Variants in JAKMIP1 observed in about 807,000 individuals in gnomAD.
JAKMIP1 encodes janus kinase and microtubule interacting protein 1.
JAKMIP1 carries 33 observed loss-of-function variants against 113.0 expected under a neutral mutation model. That is an observed-to-expected ratio of 0.29 (90% CI 0.22 to 0.39). The LOEUF (loss-of-function observed/expected upper bound fraction) is 0.39. Ranked by LOEUF, JAKMIP1 falls within the 10% of genes least tolerant of loss-of-function variation. The probability of loss-of-function intolerance (pLI) is 1.00; values close to 1 mark genes in which losing one functional copy is unlikely to be tolerated. For missense variants in JAKMIP1, 813 were observed against 1,080.5 expected (o/e 0.75, Z 3.47); for synonymous variants, 480 against 459.9 (o/e 1.04, Z -0.56).
intron 3 of JAKMIP1, among the ~76,000 whole-genome samples, chr4:6,092,662 T>C (rs1273773581): frequency 2.0e-5 from 3 of 152,204 alleles, no homozygotes; most frequent in Non-Finnish European, 4.4e-5. Context: ...TGGCCCCTTC[T>C]AAGAGGGTCC....
rs1409571800 is a variant in JAKMIP1 at position 6,153,133 on chromosome 4, C to A, written c.-147-40136G>T. Among the ~76,000 whole-genome samples the A allele has an allele frequency of 1.3e-5, 2 of 152,158 alleles. No individual in the cohort carries two copies. The highest frequency in any genetic ancestry group is 2.4e-5 in the African/African-American group (1 of 41,444). On this transcript the variant is annotated intron_variant, in intron 1 of 20. Transcript: ENST00000409021. This position sits in a 1 kb window ranked among gnomAD's most constrained non-coding sequence, Gnocchi z 4.9. ...GACTACACAGGCAGATTCACACTTG[C>A]CAGCCAAGGCTTCAAAATCAAGCTC...
intron 20 of JAKMIP1, among the ~76,000 whole-genome samples, chr4:6,028,621 G>T (rs929757480): frequency 1.6e-4 from 25 of 152,166 alleles, no homozygotes; most frequent in Non-Finnish European, 1.2e-4. Context: ...GCCCTGGTTT[G>T]TCCCTGAAAT....
intron 1 of JAKMIP1, among the ~76,000 whole-genome samples, chr4:6,148,861 G>T (rs1040287994): frequency 6.6e-6 from 1 of 152,228 alleles, no homozygotes; most frequent in African/African-American, 2.4e-5. Context: ...TGGACAGATG[G>T]ACATCCACGC....
At position 6,044,347 on chromosome 4, in the gene JAKMIP1, G is replaced by A. The variant is rs1203408327; in HGVS notation, c.2029-2120C>T. On this transcript the variant is annotated intron_variant, in intron 16 of 20. Coordinates refer to ENST00000409021, the MANE Select transcript of JAKMIP1 (RefSeq NM_001099433.2). The surrounding 1 kb of genome is among the most constrained non-coding windows in gnomAD (Gnocchi z 4.4). ...AGGAGAATCAAGGCTGTGCAGGTTGGTGGGGTGTGTGCTGCCTGAACAGAG... is the reference window on the plus strand; with the variant it reads ...AGGAGAATCAAGGCTGTGCAGGTTGATGGGGTGTGTGCTGCCTGAACAGAG... Among the ~76,000 whole-genome samples, 1 of 152,120 alleles carries A rather than the reference G, an allele frequency of 6.6e-6. No homozygotes were observed. The highest frequency in any genetic ancestry group is 1.9e-4 in the East Asian group (1 of 5,152).
chr4:6,050,872 T>C lies in JAKMIP1; in HGVS notation c.1807-193A>G, dbSNP rs1715576267. Among the ~76,000 whole-genome samples the C allele has an allele frequency of 6.6e-6, 1 of 152,200 alleles. No individual in the cohort carries two copies. Among genetic ancestry groups the C allele is most frequent in the Non-Finnish European group, 1.5e-5 (1 of 68,036 alleles). On this transcript the variant is annotated intron_variant, in intron 13 of 20. Coordinates refer to ENST00000409021, the MANE Select transcript of JAKMIP1 (RefSeq NM_001099433.2). This position sits in a 1 kb window ranked among gnomAD's most constrained non-coding sequence, Gnocchi z 7.4. Reference sequence around the variant, plus strand: ...CGCCTTCCCACGCAGCAGTTCTCCATGGAAATGTGTTTACTTCTTCCCTAT... The same window carrying C: ...CGCCTTCCCACGCAGCAGTTCTCCACGGAAATGTGTTTACTTCTTCCCTAT...
In JAKMIP1 at chr4:6,085,698, G is replaced by A; in HGVS notation, c.625-69C>T. ...ACCAAGGAAATCTCTCCCCAAATTG[G>A]GGCCTTCGGCCCAGGGAAAGGTCAA... On this transcript the variant is annotated intron_variant, in intron 3 of 20. Transcript: ENST00000409021. The A allele has an allele frequency of 4.1e-6, 6 of 1,466,420 alleles. No homozygotes were observed. In the East Asian group the frequency reaches 1.1e-4, roughly 28 times the overall value. 90.8% of individuals were successfully genotyped at this position (1,466,420 alleles called of 1,614,324 possible).
rs1475589913 is a variant in JAKMIP1 at position 6,183,478 on chromosome 4, C to CAATAAATAAATAAATAAATA, written c.-148+16755_-148+16774dup. Among the ~76,000 whole-genome samples, 42,528 of 126,306 alleles carry CAATAAATAAATAAATAAATA rather than the reference C, an allele frequency of 0.34. 8,449 individuals are homozygous for CAATAAATAAATAAATAAATA. Among genetic ancestry groups the CAATAAATAAATAAATAAATA allele is most frequent in the South Asian group, 0.45 (1,539 of 3,420 alleles). 82.9% of individuals were successfully genotyped at this position (126,306 alleles called of 152,430 possible). ...TGGGTGACAGAGCAAGACTCTGTCT[C>CAATAAATAAATAAATAAATA]AATAAATAAATAAATAAATAAATAA... On this transcript the variant is annotated intron_variant, in intron 1 of 20. Coordinates refer to ENST00000409021, the MANE Select transcript of JAKMIP1 (RefSeq NM_001099433.2). The surrounding 1 kb of genome is among the most constrained non-coding windows in gnomAD (Gnocchi z 5.3).
At position 6,090,039 on chromosome 4, in the gene JAKMIP1, T is replaced by C. The variant is rs185694665; in HGVS notation, c.625-4410A>G. On this transcript the variant is annotated intron_variant, in intron 3 of 20. Coordinates refer to ENST00000409021, the MANE Select transcript of JAKMIP1 (RefSeq NM_001099433.2). ...GAGTCTGAGACCAACCTGGCCAACA[T>C]GGTGAAACTCTGTCTCTCCTAAAAA... Among the ~76,000 whole-genome samples the C allele has an allele frequency of 5.9e-5, 9 of 151,958 alleles. 1 individual carries two copies. In the East Asian group the frequency reaches 1.6e-3, roughly 26 times the overall value.
chr4:6,042,284 G>A lies in JAKMIP1; in HGVS notation c.2029-57C>T. 2 of 1,388,654 alleles carry A rather than the reference G, an allele frequency of 1.4e-6. No homozygotes were observed. Among genetic ancestry groups the A allele is most frequent in the South Asian group, 1.2e-5 (1 of 86,216 alleles). 86.0% of individuals were successfully genotyped at this position (1,388,654 alleles called of 1,614,324 possible). ...CAAAGTGAGAGTCAGAACCCAAGGG[G>A]CTGTGGAATTTCACAGGTGTGTGAA... On this transcript the variant is annotated intron_variant, in intron 16 of 20. Transcript: ENST00000409021. This position sits in a 1 kb window ranked among gnomAD's most constrained non-coding sequence, Gnocchi z 5.2.
chr4:6,085,702 C>CGAAGGCCCCAA, intron 3 of JAKMIP1, 73 bp from the exon 4 acceptor site: 1 of 1,423,598 alleles, frequency 7.0e-7, no homozygotes, highest in Non-Finnish European at 9.8e-7. Context: ...AAATTGGGGC[C>CGAAGGCCCCAA]TTCGGCCCAG....
chr4:6,084,695 G>A (rs2108829622), intron 5 of JAKMIP1, 151 bp downstream of exon 5: 3 of 778,586 alleles, frequency 3.9e-6, no homozygotes, highest in Admixed American at 6.1e-5. Flanking sequence ...CAATGAGCAT[G>A]TGTTAGATTT....
intron 18 of JAKMIP1, among the ~76,000 whole-genome samples, chr4:6,039,383 C>A (rs868676401): frequency 1.3e-5 from 2 of 152,202 alleles, no homozygotes; most frequent in Admixed American, 6.5e-5. Flanking sequence ...ACGCTAAGAC[C>A]CCAAGAAGTC....
chr4:6,147,622 C>T (rs934042289), intron 1 of JAKMIP1, among the ~76,000 whole-genome samples: 4 of 152,212 alleles, frequency 2.6e-5, no homozygotes, highest in African/African-American at 9.6e-5. Context: ...GCAAACAAAG[C>T]CCTAACCATC....
chr4:6,168,491 C>G lies in JAKMIP1; in HGVS notation c.-148+31762G>C, dbSNP rs1275650968. Among the ~76,000 whole-genome samples, 1 of 151,904 alleles carries G rather than the reference C, an allele frequency of 6.6e-6. No homozygotes were observed. The highest frequency in any genetic ancestry group is 2.4e-5 in the African/African-American group (1 of 41,184). ...AGAAGGAATGAAGTCTCAACACCTG[C>G]TACGACATGAATGAACCTGGAAAAC... On this transcript the variant is annotated intron_variant, in intron 1 of 20. Coordinates refer to ENST00000409021, the MANE Select transcript of JAKMIP1 (RefSeq NM_001099433.2). The surrounding 1 kb of genome is among the most constrained non-coding windows in gnomAD (Gnocchi z 4.6).
In JAKMIP1 at chr4:6,180,062, A is replaced by G. The variant is rs1009791378; in HGVS notation, c.-148+20191T>C. 6.6e-6 allele frequency among the ~76,000 whole-genome samples: 1 copy of G among 152,214 alleles called. No homozygotes were observed. The highest frequency in any genetic ancestry group is 2.4e-5 in the African/African-American group (1 of 41,456). ...ATAAACAGCAGGCTCCTTCCTGCAC[A>G]ACAAGCCATGACCCTCTTAGAACAA... On this transcript the variant is annotated intron_variant, in intron 1 of 20. Transcript: ENST00000409021. This position sits in a 1 kb window ranked among gnomAD's most constrained non-coding sequence, Gnocchi z 4.5.
rs1247472147 is a variant in JAKMIP1, at chr4:6,088,040, C to T, written c.625-2411G>A. Among the ~76,000 whole-genome samples the T allele has an allele frequency of 6.6e-6, 1 of 152,152 alleles. No homozygotes were observed. Among genetic ancestry groups the T allele is most frequent in the Non-Finnish European group, 1.5e-5 (1 of 68,012 alleles). On this transcript the variant is annotated intron_variant, in intron 3 of 20. Coordinates refer to ENST00000409021, the MANE Select transcript of JAKMIP1 (RefSeq NM_001099433.2). This position sits in a 1 kb window ranked among gnomAD's most constrained non-coding sequence, Gnocchi z 5.5. ...GCCAATGTAGATGCCAACCCCAAAG[C>T]AAAAATCATTATGCAGAAGGAGTTT...
At chr4:6,105,443 C>A in intron 3 of JAKMIP1, 30 bp downstream of exon 3, 3 of 1,551,992 alleles carry the variant, frequency 1.9e-6, no homozygotes, top group South Asian at 1.2e-5. Context: ...AGGCCGCGTG[C>A]CCGCGGGCGG....
chr4:6,104,290 G>T (rs572560449), intron 3 of JAKMIP1, among the ~76,000 whole-genome samples: 1 of 152,168 alleles, frequency 6.6e-6, no homozygotes, highest in Non-Finnish European at 1.5e-5. Context: ...TGAGAGAAGC[G>T]TGTTCGTCCC....
rs564491153 is a variant in JAKMIP1 at position 6,196,840 on chromosome 4, A to C, written c.-148+3413T>G. Among the ~76,000 whole-genome samples, 5 of 145,258 alleles carry C rather than the reference A, an allele frequency of 3.4e-5. 1 individual carries two copies. In the South Asian group the frequency reaches 1.2e-3, roughly 34 times the overall value. On this transcript the variant is annotated intron_variant, in intron 1 of 20. Transcript: ENST00000409021. Reference sequence around the variant, plus strand: ...TGTGCCATTGCACTCCAGCCTGGGCAACAAGAAAGAAACTCTGTCAAAAAA... The same window carrying C: ...TGTGCCATTGCACTCCAGCCTGGGCCACAAGAAAGAAACTCTGTCAAAAAA...
Sources: allele counts gnomAD v4.1 joint callset (sites outside exome capture counted in the v4.1 genomes callset), GRCh38; gene constraint gnomAD v4.1.1; non-coding constraint Gnocchi (gnomAD v3.1); transcripts MANE v1.5; gene names NCBI Gene and HGNC (gene_info 2026-07-23, HGNC 2026-07-21).